The following RBFOX1 variants were observed in gnomAD, a reference collection of about 807,000 sequenced individuals.
RBFOX1 encodes RNA binding protein fox-1 homolog 1.
A neutral mutation model predicts 57.7 loss-of-function variants in RBFOX1; 8 were observed. The observed-to-expected ratio is 0.14, with a 90% confidence interval of 0.08 to 0.25. The LOEUF is 0.25. RBFOX1 is among the 10% of genes least tolerant of loss of function. The pLI is 1.00. For synonymous variants in RBFOX1, 326 were observed against 222.4 expected, an observed-to-expected ratio of 1.47 and a Z score of -4.15; for missense variants, 611 against 548.5, an observed-to-expected ratio of 1.11 and a Z score of -1.14.
chr16:7,199,285 C>A (rs987982119), intron 4 of RBFOX1, among the ~76,000 whole-genome samples: 1 of 151,964 alleles, frequency 6.6e-6, no homozygotes, highest in South Asian at 2.1e-4. Context: ...CCAAAGTGCC[C>A]TTTTATGTTT....
rs1331550621 is a variant in RBFOX1, at chr16:5,561,572, C to A, written c.259-37330C>A. On this transcript the variant is annotated intron_variant, in intron 2 of 2. Coordinates refer to the RBFOX1 transcript ENST00000585867. ...TGCAAAAGTCAGGCCCTATTAGACA[C>A]CAGGGAAGGGGTGACGATATAAGGT... 2.0e-5 allele frequency among the ~76,000 whole-genome samples: 3 copies of A among 152,046 alleles called. 1 individual carries two copies. Among genetic ancestry groups the A allele is most frequent in the Admixed American group, 1.3e-4 (2 of 15,258 alleles).
chr16:6,478,680 G>C (rs567477768), intron 2 of RBFOX1, among the ~76,000 whole-genome samples: 5 of 151,676 alleles, frequency 3.3e-5, no homozygotes, highest in Admixed American at 3.3e-4. Context: ...GTTATTTATT[G>C]GTCTAATTTC....
At chr16:5,949,179 A>G (rs926160512) in intron 4 of RBFOX1, among the ~76,000 whole-genome samples, 5 of 152,292 alleles carry the variant, frequency 3.3e-5, no homozygotes, top group African/African-American at 1.2e-4. Context: ...TAAGACATAT[A>G]ACAATGATAC....
At chr16:7,359,988 A>G (rs2097290507) in intron 4 of RBFOX1, among the ~76,000 whole-genome samples, 1 of 151,884 alleles carries the variant, frequency 6.6e-6, no homozygotes, top group Admixed American at 6.6e-5. Context: ...TGTCTCAAAA[A>G]AAAACAAAAA....
At chr16:7,323,417 C>A (rs895050553) in intron 4 of RBFOX1, among the ~76,000 whole-genome samples, 4 of 152,166 alleles carry the variant, frequency 2.6e-5, no homozygotes, top group African/African-American at 4.8e-5. Flanking sequence ...GAGTGAGACC[C>A]TGTCTCAATA....
chr16:6,393,263 GT>G (rs1440674055), intron 2 of RBFOX1, among the ~76,000 whole-genome samples: 2 of 152,140 alleles, frequency 1.3e-5, no homozygotes, highest in Non-Finnish European at 2.9e-5. Context: ...AGTCATTAGG[GT>G]TTTAAGAAAC....
intron 4 of RBFOX1, among the ~76,000 whole-genome samples, chr16:7,457,773 C>A (rs899184969): frequency 6.6e-6 from 1 of 151,984 alleles, no homozygotes; most frequent in Non-Finnish European, 1.5e-5. Flanking sequence ...CTGGAAGGTT[C>A]TTCTTACGAG....
chr16:6,598,098 T>G (rs2097795679), intron 2 of RBFOX1, among the ~76,000 whole-genome samples: 3 of 152,232 alleles, frequency 2.0e-5, no homozygotes, highest in Admixed American at 2.0e-4. Context: ...GAAGGCATCC[T>G]TATAGATGCA....
intron 2 of RBFOX1, among the ~76,000 whole-genome samples, chr16:6,496,496 C>G (rs192496009): frequency 1.0e-3 from 153 of 152,288 alleles, no homozygotes; most frequent in Non-Finnish European, 1.5e-3. Flanking sequence ...CAGAAACAAT[C>G]AGACGGGAAT....
At chr16:7,475,802 G>C (rs1480705580) in intron 4 of RBFOX1, among the ~76,000 whole-genome samples, 1 of 152,136 alleles carries the variant, frequency 6.6e-6, no homozygotes, top group Admixed American at 6.5e-5. Flanking sequence ...CAGAGCACCT[G>C]AAAGTTATTA....
chr16:6,347,011 A>C (rs2085487526), intron 2 of RBFOX1, among the ~76,000 whole-genome samples: 1 of 152,170 alleles, frequency 6.6e-6, no homozygotes, highest in South Asian at 2.1e-4. Flanking sequence ...CATTGAATAA[A>C]GATCATGATA....
At chr16:5,261,910 C>T (rs1351356953) in intron 1 of RBFOX1, among the ~76,000 whole-genome samples, 1 of 152,148 alleles carries the variant, frequency 6.6e-6, no homozygotes, top group Non-Finnish European at 1.5e-5. Flanking sequence ...GTCTTCTTCT[C>T]TCCCAGTAGT....
chr16:6,731,936 A>C (rs1292146758), intron 3 of RBFOX1, among the ~76,000 whole-genome samples: 1 of 152,180 alleles, frequency 6.6e-6, no homozygotes, highest in African/African-American at 2.4e-5. Flanking sequence ...TCTGACATCT[A>C]GGAGTAATGT....
intron 1 of RBFOX1, among the ~76,000 whole-genome samples, chr16:6,024,028 G>A (rs538723792): frequency 1.5e-4 from 23 of 152,254 alleles, no homozygotes; most frequent in Non-Finnish European, 2.4e-4. Flanking sequence ...GAAAAATGAC[G>A]CGTGGAGTTA....
rs371923270 is a variant in RBFOX1 at position 5,985,102 on chromosome 16, C to T, written c.351+117767C>T. 6.6e-5 allele frequency among the ~76,000 whole-genome samples: 10 copies of T among 150,522 alleles called. No individual in the cohort carries two copies. In the East Asian group the frequency reaches 1.8e-3, roughly 27 times the overall value. ...CCGGGTTCACACCATTCTCCTGTCT[C>T]AGCCTCCTGAGTAGCCAGGACTACA... On this transcript the variant is annotated intron_variant, in intron 4 of 19. Transcript: ENST00000641259.
At chr16:6,518,156 T>G (rs1314839171) in intron 2 of RBFOX1, among the ~76,000 whole-genome samples, 1 of 152,190 alleles carries the variant, frequency 6.6e-6, no homozygotes, top group African/African-American at 2.4e-5. Context: ...TCTAAGTGGA[T>G]GAGATTAATA....
chr16:6,121,119 T>G (rs2096545758), intron 1 of RBFOX1, among the ~76,000 whole-genome samples: 1 of 152,108 alleles, frequency 6.6e-6, no homozygotes, highest in Admixed American at 6.5e-5. Flanking sequence ...CTGTTGGGAG[T>G]GTGCACCTGG....
chr16:6,151,203 C>G (rs1378249367), intron 1 of RBFOX1, among the ~76,000 whole-genome samples: 4 of 152,178 alleles, frequency 2.6e-5, no homozygotes, highest in Admixed American at 1.3e-4. Context: ...TTGGGGTGTT[C>G]TCCCAAGTTT....
chr16:7,185,994 C>A (rs1045754370), intron 4 of RBFOX1, among the ~76,000 whole-genome samples: 2 of 152,098 alleles, frequency 1.3e-5, no homozygotes, highest in South Asian at 4.1e-4. Flanking sequence ...TATTGGCGCA[C>A]TTTAGTATAG....
Sources: gnomAD v4.1 joint callset for allele counts (sites outside exome capture counted in the v4.1 genomes callset) on GRCh38, gnomAD v4.1.1 for gene constraint, MANE v1.5 for transcripts, NCBI Gene and HGNC (gene_info 2026-07-23, HGNC 2026-07-21) for gene names.